Variants in MAGI1 observed in about 807,000 individuals in gnomAD.
MAGI1 encodes membrane associated guanylate kinase, WW and PDZ domain containing 1.
Under a neutral mutation model 139.9 loss-of-function variants are expected in MAGI1, and 58 were observed. The observed-to-expected ratio is 0.41, with a 90% CI of 0.34 to 0.52. MAGI1 has a LOEUF of 0.52. Among genes scored for constraint, MAGI1 ranks in the 20% least tolerant of loss-of-function variants. The pLI is 0.12. For synonymous variants in MAGI1, 812 were observed against 737.9 expected, an observed-to-expected ratio of 1.10 and a Z score of -1.63; for missense variants, 1,874 against 1,901.6, an observed-to-expected ratio of 0.99 and a Z score of 0.27.
chr3:65,869,457 G>C (rs2059857036), intron 1 of MAGI1, among the ~76,000 whole-genome samples: 2 of 150,206 alleles, frequency 1.3e-5, no homozygotes, highest in African/African-American at 4.9e-5. Context: ...TTGGAGTGCA[G>C]TGGCGTGATC....
intron 1 of MAGI1, among the ~76,000 whole-genome samples, chr3:65,665,503 A>G (rs1200015896): frequency 6.6e-6 from 1 of 152,242 alleles, no homozygotes; most frequent in Non-Finnish European, 1.5e-5. Context: ...GAAATACTGC[A>G]TATGTGATTT....
At chr3:65,736,472 T>C (rs2034742633) in intron 1 of MAGI1, among the ~76,000 whole-genome samples, 1 of 152,162 alleles carries the variant, frequency 6.6e-6, no homozygotes, top group Non-Finnish European at 1.5e-5. Flanking sequence ...TCCCACAATA[T>C]GCTGTCTGCA....
chr3:65,379,964 A>C (rs1942906499), intron 16 of MAGI1, among the ~76,000 whole-genome samples: 1 of 152,214 alleles, frequency 6.6e-6, no homozygotes, highest in East Asian at 1.9e-4. Context: ...ACAACCTTGG[A>C]TGCACGTTCA....
intron 12 of MAGI1, among the ~76,000 whole-genome samples, chr3:65,416,238 A>T (rs1399844825): frequency 1.3e-5 from 2 of 152,216 alleles, no homozygotes; most frequent in Non-Finnish European, 2.9e-5. Flanking sequence ...GCCTAATTAA[A>T]AACTCAGGTT....
intron 1 of MAGI1, among the ~76,000 whole-genome samples, chr3:65,783,291 T>C (rs1265569425): frequency 3.9e-5 from 6 of 152,136 alleles, no homozygotes; most frequent in African/African-American, 1.4e-4. Context: ...CATTACACAA[T>C]AGTGAAATGT....
chr3:65,413,405 G>A (rs543415261), intron 12 of MAGI1, among the ~76,000 whole-genome samples: 4 of 152,220 alleles, frequency 2.6e-5, no homozygotes, highest in East Asian at 3.9e-4. Flanking sequence ...AAGTCCTGCC[G>A]CACTGCATTA....
chr3:65,499,039 CAG>C (rs1305242214), intron 2 of MAGI1: 3 of 974,974 alleles, frequency 3.1e-6, no homozygotes, highest in Non-Finnish European at 3.6e-6. Flanking sequence ...ACATCTCAAA[CAG>C]ATAGAAGAAA....
At chr3:65,407,389 G>C (rs142451542) in intron 12 of MAGI1, among the ~76,000 whole-genome samples, 1 of 151,102 alleles carries the variant, frequency 6.6e-6, no homozygotes, top group South Asian at 2.1e-4. Context: ...GGAGGCTGCA[G>C]TGAGCCAAGA....
chr3:65,644,609 A>G (rs2085159465), intron 1 of MAGI1, among the ~76,000 whole-genome samples: 1 of 152,122 alleles, frequency 6.6e-6, no homozygotes, highest in African/African-American at 2.4e-5. Flanking sequence ...TAGAACTATA[A>G]ATTATAACCA....
chr3:65,742,188 A>G (rs1054661000), intron 1 of MAGI1, among the ~76,000 whole-genome samples: 1 of 152,250 alleles, frequency 6.6e-6, no homozygotes, highest in African/African-American at 2.4e-5. Context: ...TTGCATATCA[A>G]TAACAAAAAC....
chr3:65,911,483 C>T (rs1337431867), intron 1 of MAGI1, among the ~76,000 whole-genome samples: 1 of 152,066 alleles, frequency 6.6e-6, no homozygotes, highest in Non-Finnish European at 1.5e-5. Flanking sequence ...CTCCATGTAT[C>T]TATTGTTTGT....
chr3:65,978,234 C>A (rs2065363997), intron 1 of MAGI1, among the ~76,000 whole-genome samples: 1 of 152,214 alleles, frequency 6.6e-6, no homozygotes, highest in Admixed American at 6.5e-5. Flanking sequence ...CCTCCTCTTA[C>A]AAATGAGAAA....
intron 1 of MAGI1, among the ~76,000 whole-genome samples, chr3:65,854,854 G>C (rs1246677215): frequency 6.6e-6 from 1 of 152,196 alleles, no homozygotes; most frequent in Non-Finnish European, 1.5e-5. Flanking sequence ...ACCAAAGGGA[G>C]AAGTCCACAG....
intron 1 of MAGI1, among the ~76,000 whole-genome samples, chr3:65,958,119 C>T (rs1048246271): frequency 6.6e-5 from 10 of 152,120 alleles, no homozygotes; most frequent in African/African-American, 1.4e-4. Context: ...TCATCCACTG[C>T]GATTTATGCC....
intron 1 of MAGI1, among the ~76,000 whole-genome samples, chr3:65,690,622 G>A (rs866176965): frequency 3.3e-5 from 5 of 150,878 alleles, no homozygotes; most frequent in Admixed American, 2.0e-4. Context: ...CACCATGCCC[G>A]GCTCATTTGT....
At chr3:65,357,535 C>G (rs956691714) in intron 22 of MAGI1, among the ~76,000 whole-genome samples, 19 of 151,338 alleles carry the variant, frequency 1.3e-4, no homozygotes, top group Non-Finnish European at 1.5e-4. Flanking sequence ...TCTCCCACAC[C>G]CAAGAAAATA....
intron 2 of MAGI1, among the ~76,000 whole-genome samples, chr3:65,612,244 G>T (rs1357580275): frequency 1.3e-5 from 2 of 151,998 alleles, no homozygotes; most frequent in Non-Finnish European, 2.9e-5. Context: ...CAAATTTACA[G>T]AACAGTGCAA....
At chr3:65,988,316 A>AT (rs1483312783) in intron 1 of MAGI1, among the ~76,000 whole-genome samples, 1 of 152,194 alleles carries the variant, frequency 6.6e-6, no homozygotes, top group Non-Finnish European at 1.5e-5. Flanking sequence ...TAAAGCAGGC[A>AT]TAACTGTGCT....
intron 2 of MAGI1, among the ~76,000 whole-genome samples, chr3:65,609,518 A>G (rs918671709): frequency 6.6e-6 from 1 of 151,158 alleles, no homozygotes; most frequent in Non-Finnish European, 1.5e-5. Context: ...ACCTCAAGCA[A>G]TCCACCTGCC....
Sources: gnomAD v4.1 joint callset for allele counts (sites outside exome capture counted in the v4.1 genomes callset) on GRCh38, gnomAD v4.1.1 for gene constraint, MANE v1.5 for transcripts, NCBI Gene and HGNC (gene_info 2026-07-23, HGNC 2026-07-21) for gene names.